The following MAB21L3 variants were observed in gnomAD, a reference collection of about 807,000 sequenced individuals.
MAB21L3 encodes the protein protein mab-21-like 3.
In MAB21L3, 36 loss-of-function variants were observed where a neutral mutation model predicts 37.7. The observed-to-expected ratio is 0.96, with a 90% CI of 0.73 to 1.26. The LOEUF is 1.26. MAB21L3 is among the 50% of genes most tolerant of loss of function. The probability of loss-of-function intolerance (pLI) is 0.00; values close to 1 mark genes in which losing one functional copy is unlikely to be tolerated. For synonymous variants in MAB21L3, 186 were observed against 176.8 expected (o/e 1.05, Z -0.41); for missense variants, 430 against 447.3 (o/e 0.96, Z 0.35).
chr1:116,112,789 C>A, intron 3 of MAB21L3, 126 bp downstream of exon 3: 1 of 904,800 alleles, frequency 1.1e-6, no homozygotes, highest in Non-Finnish European at 1.8e-6. Context: ...AGAAAACAGA[C>A]TGTCACCTAT....
intron 3 of MAB21L3, among the ~76,000 whole-genome samples, chr1:116,114,554 T>C (rs1370384154): frequency 6.6e-6 from 1 of 152,222 alleles, no homozygotes; most frequent in Non-Finnish European, 1.5e-5. Context: ...CAAACTCCTC[T>C]ATATCTCTGC....
At chr1:116,119,856 T>A (rs1659692439) in intron 3 of MAB21L3, among the ~76,000 whole-genome samples, 1 of 152,202 alleles carries the variant, frequency 6.6e-6, no homozygotes, top group Non-Finnish European at 1.5e-5. Flanking sequence ...AGTGTTGAGT[T>A]TTCTATGAGA....
intron 3 of MAB21L3, among the ~76,000 whole-genome samples, chr1:116,114,132 T>C (rs1309622547): frequency 6.6e-6 from 1 of 152,242 alleles, no homozygotes; most frequent in African/African-American, 2.4e-5. Context: ...ACTGGCACCA[T>C]TTATTTGATC....
At chr1:116,125,274 A>C (rs1248352458) in intron 5 of MAB21L3, among the ~76,000 whole-genome samples, 1 of 152,190 alleles carries the variant, frequency 6.6e-6, no homozygotes, top group Non-Finnish European at 1.5e-5. Flanking sequence ...CAAGTTGTCT[A>C]TATTTTATTT....
Position 116,128,186 on chromosome 1 carries a change from G to A in MAB21L3, c.702G>A (p.Trp234Ter). 1 of 1,613,628 alleles carries A rather than the reference G, an allele frequency of 6.2e-7. No individual in the cohort carries two copies. Among genetic ancestry groups the A allele is most frequent in the Non-Finnish European group, 8.5e-7 (1 of 1,179,850 alleles). The change falls in exon 7 of 8, where the codon TGG (tryptophan) becomes TGA (stop). Residue 234 changes from tryptophan (W) to a stop codon, truncating the protein, a stop_gained. Transcript: ENST00000369500. LOFTEE classifies it high-confidence loss of function. ...TGTTGGCCTGTTCAAATTATCACTG[G>A]CAGCTGAGCTTCCTCCGTGCTGAGC... ...FNLLACSNYH[W>*]QLSFLRAEQV...
rs565854653 is a variant in MAB21L3, at chr1:116,118,249, G to T, written c.49-2683G>T. Among the ~76,000 whole-genome samples, 8 of 152,164 alleles carry T rather than the reference G, an allele frequency of 5.3e-5. No individual in the cohort carries two copies. In the East Asian group the frequency reaches 1.5e-3, roughly 29 times the overall value. ...ATACAAAAATTAGCCAGGTGTGGTGGCACGTGCCTGTAGTCCCAGCTACTC... is the reference window on the plus strand; with the variant it reads ...ATACAAAAATTAGCCAGGTGTGGTGTCACGTGCCTGTAGTCCCAGCTACTC... On this transcript the variant is annotated intron_variant, in intron 3 of 7. Coordinates refer to ENST00000369500, the MANE Select transcript of MAB21L3 (RefSeq NM_152367.3).
Position 116,112,458 on chromosome 1 carries a change from G to A in MAB21L3, c.-158G>A, listed in dbSNP as rs1409602969. On this transcript the variant is annotated 5_prime_UTR_variant, in exon 3 of 8. Coordinates refer to ENST00000369500, the MANE Select transcript of MAB21L3 (RefSeq NM_152367.3). Reference sequence around the variant, plus strand: ...AAATAAAAACATGAGTGAAGGGTTCGGAAGGCAAGTCTCTGGTCCATTACA... The same window carrying A: ...AAATAAAAACATGAGTGAAGGGTTCAGAAGGCAAGTCTCTGGTCCATTACA... 17 of 547,368 alleles carry A rather than the reference G, an allele frequency of 3.1e-5. No homozygotes were observed. Among genetic ancestry groups the A allele is most frequent in the Non-Finnish European group, 4.6e-5 (14 of 306,334 alleles). 33.9% of individuals were successfully genotyped at this position (547,368 alleles called of 1,614,324 possible). A position where few individuals can be genotyped will look rare whatever the true frequency, so the allele number is the denominator to read the frequency against.
At chr1:116,132,769 G>A (rs900818303) in intron 7 of MAB21L3, among the ~76,000 whole-genome samples, 32 of 152,170 alleles carry the variant, frequency 2.1e-4, no homozygotes, top group African/African-American at 9.7e-5. Context: ...AGCCCCACAG[G>A]CAGAAGAGGC....
chr1:116,128,204 T>C lies in MAB21L3; in HGVS notation c.720T>C (p.Arg240=). 1 of 1,614,150 alleles carries C rather than the reference T, an allele frequency of 6.2e-7. No individual in the cohort carries two copies. Among genetic ancestry groups the C allele is most frequent in the Non-Finnish European group, 8.5e-7 (1 of 1,180,012 alleles). ...ATCACTGGCAGCTGAGCTTCCTCCGTGCTGAGCAGGTGTTACTGGAACAGC... is the reference window on the plus strand; with the variant it reads ...ATCACTGGCAGCTGAGCTTCCTCCGCGCTGAGCAGGTGTTACTGGAACAGC... The part of the protein sequence containing the change: ...SNYHWQLSFL[R]AEQVLLEQLD... The change falls in exon 7 of 8, where the codon CGT becomes CGC. Residue 240 remains arginine, a synonymous_variant. Transcript: ENST00000369500.
At chr1:116,125,891 G>A (rs1347181785) in intron 5 of MAB21L3, among the ~76,000 whole-genome samples, 2 of 151,956 alleles carry the variant, frequency 1.3e-5, no homozygotes, top group African/African-American at 2.4e-5. Context: ...GTGTGGGCCG[G>A]CAGGCTGGCT....
chr1:116,112,669 G>T lies in MAB21L3; in HGVS notation c.48+6G>T. 1.9e-6 allele frequency: 3 copies of T among 1,613,762 alleles called. No individual in the cohort carries two copies. Among genetic ancestry groups the T allele is most frequent in the Non-Finnish European group, 2.5e-6 (3 of 1,179,870 alleles). ...AAGATTGCCTACTGAATAAGGTAAG[G>T]ACAGACCCGGTCTCTCCCATGAACC... is the stretch of plus-strand genomic sequence containing the variant. On this transcript the variant is annotated splice_donor_region_variant and intron_variant, in intron 3 of 7. Coordinates refer to ENST00000369500, the MANE Select transcript of MAB21L3 (RefSeq NM_152367.3).
rs138571206 is a variant in MAB21L3 at position 116,123,969 on chromosome 1, A to C, written c.190-97A>C. ...TCACTCTGCTGAGGGTGGAGTGGTTAACAGAGCTGCCTGACGAGACAGGTT... is the reference window on the plus strand; with the variant it reads ...TCACTCTGCTGAGGGTGGAGTGGTTCACAGAGCTGCCTGACGAGACAGGTT... On this transcript the variant is annotated intron_variant, in intron 4 of 7. Coordinates refer to ENST00000369500, the MANE Select transcript of MAB21L3 (RefSeq NM_152367.3). The C allele has an allele frequency of 1.1e-4, 150 of 1,309,346 alleles. No individual in the cohort carries two copies. The African/African-American group carries it at 2.1e-3, about 18-fold the overall frequency. The allele number at this position is 1,309,346 out of a possible 1,614,324, so 81.1% of individuals were successfully genotyped here. A position where few individuals can be genotyped will look rare whatever the true frequency, so the allele number is the denominator to read the frequency against.
intron 4 of MAB21L3, among the ~76,000 whole-genome samples, chr1:116,123,573 A>C (rs1349743695): frequency 1.3e-5 from 2 of 152,218 alleles, no homozygotes; most frequent in Non-Finnish European, 2.9e-5. Context: ...ACCTAAATTC[A>C]AATTCTGACT....
At chr1:116,117,187 A>G (rs1162304614) in intron 3 of MAB21L3, among the ~76,000 whole-genome samples, 1 of 145,682 alleles carries the variant, frequency 6.9e-6, no homozygotes, top group Non-Finnish European at 1.5e-5. Flanking sequence ...ATATATATAT[A>G]TATATGTATA....
At chr1:116,112,872 G>A (rs919843675) in intron 3 of MAB21L3, among the ~76,000 whole-genome samples, 1 of 152,146 alleles carries the variant, frequency 6.6e-6, no homozygotes, top group African/African-American at 2.4e-5. Context: ...GACATGCTGA[G>A]TATAGAATAT....
chr1:116,133,498 C>T lies in MAB21L3; in HGVS notation c.*133C>T. 2 of 768,024 alleles carry T rather than the reference C, an allele frequency of 2.6e-6. No individual in the cohort carries two copies. Among genetic ancestry groups the T allele is most frequent in the Non-Finnish European group, 4.2e-6 (2 of 474,534 alleles). The allele number at this position is 768,024 out of a possible 1,614,324, so 47.6% of individuals were successfully genotyped here. A position where few individuals can be genotyped will look rare whatever the true frequency, so the allele number is the denominator to read the frequency against. ...GAATGGCAGCGGAAATTACATCAAA[C>T]CAGAAACACTTCAGCAGGGGGAAAA... On this transcript the variant is annotated 3_prime_UTR_variant, in exon 8 of 8. Coordinates refer to ENST00000369500, the MANE Select transcript of MAB21L3 (RefSeq NM_152367.3).
In MAB21L3 at chr1:116,124,081, C is replaced by G. The variant is rs1219440739; in HGVS notation, c.205C>G (p.Gln69Glu). 1.9e-6 allele frequency: 3 copies of G among 1,602,428 alleles called. No individual in the cohort carries two copies. Among genetic ancestry groups the G allele is most frequent in the Non-Finnish European group, 2.6e-6 (3 of 1,172,514 alleles). The change falls in exon 5 of 8, where the codon CAG becomes GAG. Residue 69 changes from glutamine to glutamate, a missense_variant. Physicochemically the swap from Gln to Glu is conservative, Grantham distance 29. Transcript: ENST00000369500. ...CTGACCCTAGGTTTTGGCTCCCAGT[C>G]AGTTCCTCGTCACAGTCCCAATAAA... ...NENIKVLAPSQFLVTVPIKGL... is the reference protein window; with the variant it reads ...NENIKVLAPSEFLVTVPIKGL...
At chr1:116,120,539 A>G (rs545345424) in intron 3 of MAB21L3, among the ~76,000 whole-genome samples, 20 of 150,556 alleles carry the variant, frequency 1.3e-4, no homozygotes, top group African/African-American at 3.4e-4. Context: ...TATAATATTG[A>G]TATTATACAT....
In MAB21L3 at chr1:116,112,575, A is replaced by G; in HGVS notation, c.-41A>G. ...GCACTCCATTGAGAAAAAAAAAAAA[A>G]CCAGGAAGTTGCTGTTCTACTGAGG... On this transcript the variant is annotated 5_prime_UTR_variant, in exon 3 of 8. Coordinates refer to ENST00000369500, the MANE Select transcript of MAB21L3 (RefSeq NM_152367.3). The G allele has an allele frequency of 6.3e-7, 1 of 1,587,166 alleles. No individual in the cohort carries two copies. The highest frequency in any genetic ancestry group is 8.6e-7 in the Non-Finnish European group (1 of 1,169,186).
Sources: allele counts gnomAD v4.1 joint callset (sites outside exome capture counted in the v4.1 genomes callset), GRCh38; gene constraint gnomAD v4.1.1; transcripts MANE v1.5; gene names NCBI Gene and HGNC (gene_info 2026-07-23, HGNC 2026-07-21).